Variants in AASS observed in about 807,000 individuals in gnomAD.
The protein encoded by AASS is alpha-aminoadipic semialdehyde synthase, mitochondrial.
A neutral mutation model predicts 105.4 loss-of-function variants in AASS; 86 were observed. The ratio of observed to expected loss-of-function variants is 0.82; its 90% CI spans 0.69 to 0.98. The LOEUF (loss-of-function observed/expected upper bound fraction) is 0.98, where lower values mean the gene tolerates loss of function less well. Ranked by LOEUF, AASS falls within the 50% of genes least tolerant of loss-of-function variation. AASS has a pLI of 0.00. For missense variants in AASS, 1,048 were observed against 1,143.2 expected, an observed-to-expected ratio of 0.92 and a Z score of 1.20; for synonymous variants, 381 against 394.8, an observed-to-expected ratio of 0.96 and a Z score of 0.41.
intron 1 of AASS, among the ~76,000 whole-genome samples, chr7:122,136,618 A>G (rs1324085977): frequency 2.0e-5 from 3 of 152,194 alleles, no homozygotes; most frequent in African/African-American, 7.2e-5. Context: ...CTCAGTTTCT[A>G]ATAAAACCAA....
At chr7:122,114,733 A>G (rs1795088238) in intron 9 of AASS, among the ~76,000 whole-genome samples, 1 of 152,200 alleles carries the variant, frequency 6.6e-6, no homozygotes, top group South Asian at 2.1e-4. Flanking sequence ...AGAAGACAAA[A>G]GAAGAATGTT....
intron 4 of AASS, among the ~76,000 whole-genome samples, chr7:122,123,572 C>T (rs1332911392): frequency 1.3e-5 from 2 of 152,194 alleles, no homozygotes; most frequent in African/African-American, 4.8e-5. Flanking sequence ...TTACATTTCT[C>T]AGTCAATTTT....
chr7:122,136,962 T>C (rs1008384861), intron 1 of AASS, among the ~76,000 whole-genome samples: 10 of 152,180 alleles, frequency 6.6e-5, no homozygotes, highest in Non-Finnish European at 1.2e-4. Context: ...TACACACATA[T>C]ACTTGCAAAG....
rs1262243215 is a variant in AASS at position 122,076,225 on chromosome 7, AT to A, written c.*263del. 2.3e-5 allele frequency: 9 copies of A among 387,546 alleles called. No homozygotes were observed. Among genetic ancestry groups the A allele is most frequent in the African/African-American group, 1.9e-4 (9 of 48,090 alleles). 24.0% of individuals were successfully genotyped at this position (387,546 alleles called of 1,614,324 possible). On this transcript the variant is annotated 3_prime_UTR_variant, in exon 24 of 24. Transcript: ENST00000417368. ...CAAAAGAAAAAAAGTGGCACAATAA[AT>A]TAACAAATAGCATGATCATCACTTT...
intron 21 of AASS, chr7:122,079,283 T>C (rs954759360): frequency 2.2e-6 from 3 of 1,344,682 alleles, no homozygotes; most frequent in Non-Finnish European, 1.9e-6. Flanking sequence ...AGCGGTCATA[T>C]GAAAGAATGT....
Position 122,133,641 on chromosome 7 carries a change from C to A in AASS, c.86G>T (p.Arg29Leu). ...CTCCCAGGCGTTCACATCCTCCCTC[C>A]GGACGGCCAACACAGCTTTGTGGTG... ...GLHHKAVLAV[R>L]REDVNAWERR... is the part of the protein sequence containing the mutation. The change falls in exon 2 of 24, where the codon CGG (arginine) becomes CTG (leucine). Residue 29 changes from arginine (R) to leucine (L), a missense_variant. Arg to Leu is a moderately radical substitution (Grantham distance 102). Coordinates refer to ENST00000417368, the MANE Select transcript of AASS (RefSeq NM_005763.4). 1 of 1,614,178 alleles carries A rather than the reference C, an allele frequency of 6.2e-7. No individual in the cohort carries two copies. Among genetic ancestry groups the A allele is most frequent in the Non-Finnish European group, 8.5e-7 (1 of 1,180,032 alleles).
chr7:122,097,526 CT>C (rs918554883), intron 15 of AASS, among the ~76,000 whole-genome samples: 2 of 151,886 alleles, frequency 1.3e-5, no homozygotes, highest in Admixed American at 6.6e-5. Flanking sequence ...CTCCTCCCAC[CT>C]TTTACCCTTA....
rs1793009195 is a variant in AASS at position 122,076,407 on chromosome 7, C to T, written c.*82G>A. 1.1e-6 allele frequency: 1 copy of T among 903,708 alleles called. No homozygotes were observed. The allele number at this position is 903,708 out of a possible 1,614,324, so 56.0% of individuals were successfully genotyped here. On this transcript the variant is annotated 3_prime_UTR_variant, in exon 24 of 24. Transcript: ENST00000417368. Reference sequence around the variant, plus strand: ...ACATATTATGCTTTATACTTTAAAACAGCACATTAGCAAACCCATTTATCA... The same window carrying T: ...ACATATTATGCTTTATACTTTAAAATAGCACATTAGCAAACCCATTTATCA...
At chr7:122,115,052 G>A (rs768268740) in intron 9 of AASS, 22 bp downstream of exon 9, 32 of 1,613,890 alleles carry the variant, frequency 2.0e-5, no homozygotes, top group East Asian at 4.5e-5. Flanking sequence ...AACTACTATC[G>A]TTGCTGAAGT....
chr7:122,083,472 A>G lies in AASS; in HGVS notation c.2185-1877T>C, dbSNP rs73224314. On this transcript the variant is annotated intron_variant, in intron 19 of 23. Transcript: ENST00000417368. ...ATTTAGCAAACTGCTGCCATATGTCAGACTTGTGCTAGGGACTGAGGCCAC... is the reference window on the plus strand; with the variant it reads ...ATTTAGCAAACTGCTGCCATATGTCGGACTTGTGCTAGGGACTGAGGCCAC... Among the ~76,000 whole-genome samples the G allele has an allele frequency of 7.8e-3, 1,186 of 152,250 alleles. 10 individuals carry two copies. The highest frequency in any genetic ancestry group is 0.017 in the Middle Eastern group (5 of 294).
chr7:122,108,660 A>G (rs1794783543), intron 11 of AASS, among the ~76,000 whole-genome samples: 1 of 152,158 alleles, frequency 6.6e-6, no homozygotes. Context: ...TTTGGCATAC[A>G]GGGTACATAC....
At chr7:122,101,040 GA>G (rs1794400599) in intron 13 of AASS, among the ~76,000 whole-genome samples, 2 of 151,764 alleles carry the variant, frequency 1.3e-5, no homozygotes, top group South Asian at 2.1e-4. Flanking sequence ...TTTCCTTTGA[GA>G]AAATAACCGA....
chr7:122,103,355 AC>A (rs1238928415), intron 11 of AASS, among the ~76,000 whole-genome samples: 1 of 152,064 alleles, frequency 6.6e-6, no homozygotes, highest in Admixed American at 6.6e-5. Flanking sequence ...AATACTATAC[AC>A]AGCAAAGCTG....
Position 122,113,207 on chromosome 7 carries a change from T to A in AASS, c.1189A>T (p.Met397Leu), listed in dbSNP as rs1188142025. The change falls in exon 11 of 24, where the codon ATG becomes TTG. Residue 397 changes from methionine (M) to leucine (L), a missense_variant. Physicochemically the swap from Met to Leu is conservative, Grantham distance 15. Coordinates refer to ENST00000417368, the MANE Select transcript of AASS (RefSeq NM_005763.4). ...HDSVEGSGIL[M>L]CSIDNLPAQL... is the part of the protein sequence containing the mutation. ...GCCGGCAAATTGTCAATGGAACACA[T>A]CAGGATCCCCGAGCCTTCAACACTA... 6.2e-7 allele frequency: 1 copy of A among 1,614,036 alleles called. No individual in the cohort carries two copies.
intron 18 of AASS, among the ~76,000 whole-genome samples, chr7:122,088,331 A>G (rs1198640752): frequency 1.6e-4 from 24 of 152,132 alleles, no homozygotes; most frequent in Admixed American, 1.6e-3. Context: ...ATAAGGAAAT[A>G]TACAATCATT....
chr7:122,098,364 T>G, intron 15 of AASS, 86 bp downstream of exon 15: 6 of 1,509,258 alleles, frequency 4.0e-6, no homozygotes, highest in South Asian at 3.4e-5. Context: ...CAAAGGAGTA[T>G]GAAGAGAGGA....
chr7:122,137,472 T>C (rs1796201608), intron 1 of AASS, among the ~76,000 whole-genome samples: 1 of 152,200 alleles, frequency 6.6e-6, no homozygotes, highest in African/African-American at 2.4e-5. Flanking sequence ...CCCCGTAGCA[T>C]GCCGTGCCTC....
chr7:122,128,576 T>C (rs897325630), intron 3 of AASS, among the ~76,000 whole-genome samples: 3 of 152,208 alleles, frequency 2.0e-5, no homozygotes, highest in African/African-American at 7.2e-5. Flanking sequence ...TCATTGATTA[T>C]CTGTCTCCTC....
chr7:122,094,490 T>C (rs1372161436), intron 15 of AASS, among the ~76,000 whole-genome samples: 1 of 149,042 alleles, frequency 6.7e-6, no homozygotes, highest in Non-Finnish European at 1.5e-5. Flanking sequence ...TGATATTGTT[T>C]ATGTTGGTTT....
Sources: allele counts gnomAD v4.1 joint callset (sites outside exome capture counted in the v4.1 genomes callset), GRCh38; gene constraint gnomAD v4.1.1; transcripts MANE v1.5; gene names NCBI Gene and HGNC (gene_info 2026-07-23, HGNC 2026-07-21).